Variants in LRBA observed in about 807,000 individuals in gnomAD.
The protein encoded by LRBA is LPS responsive beige-like anchor protein, also known as lipopolysaccharide-responsive and beige-like anchor protein.
LRBA carries 176 observed loss-of-function variants against 330.0 expected under a neutral mutation model. The observed-to-expected ratio is 0.53, with a 90% confidence interval of 0.47 to 0.60. The LOEUF (loss-of-function observed/expected upper bound fraction) is 0.60, where lower values mean the gene tolerates loss of function less well. LRBA is among the 20% of genes least tolerant of loss of function. The pLI is 0.00. For synonymous variants in LRBA, 1,230 were observed against 1,193.0 expected, an observed-to-expected ratio of 1.03 and a Z score of -0.64; for missense variants, 3,259 against 3,444.8, an observed-to-expected ratio of 0.95 and a Z score of 1.35.
chr4:150,805,264 GAAGGA>G (rs1296198398), intron 33 of LRBA, among the ~76,000 whole-genome samples: 6 of 114,340 alleles, frequency 5.2e-5, no homozygotes, highest in Admixed American at 1.2e-4. Context: ...AAGGAAACGA[GAAGGA>G]AAGGAAAGGA....
At chr4:150,792,727 G>C (rs937623681) in intron 34 of LRBA, among the ~76,000 whole-genome samples, 1 of 151,980 alleles carries the variant, frequency 6.6e-6, no homozygotes, top group Non-Finnish European at 1.5e-5. Flanking sequence ...GGCTGGTATC[G>C]AACTCCTGGC....
chr4:150,712,959 T>C (rs1208494541), intron 36 of LRBA, among the ~76,000 whole-genome samples: 1 of 152,142 alleles, frequency 6.6e-6, no homozygotes, highest in Non-Finnish European at 1.5e-5. Flanking sequence ...TGTTTTGAGA[T>C]AGGGCTTTGC....
At chr4:150,487,524 A>C (rs1419454220) in intron 42 of LRBA, among the ~76,000 whole-genome samples, 1 of 151,718 alleles carries the variant, frequency 6.6e-6, no homozygotes, top group South Asian at 2.1e-4. Context: ...AAACTTAATA[A>C]CTTAAAACAG....
At chr4:150,765,565 G>T (rs1194869002) in intron 34 of LRBA, among the ~76,000 whole-genome samples, 1 of 152,008 alleles carries the variant, frequency 6.6e-6, no homozygotes, top group Non-Finnish European at 1.5e-5. Flanking sequence ...ATGTAAAACT[G>T]CTCTAAAAAG....
chr4:150,618,909 A>G (rs1301017100), intron 37 of LRBA, among the ~76,000 whole-genome samples: 1 of 151,344 alleles, frequency 6.6e-6, no homozygotes, highest in Non-Finnish European at 1.5e-5. Context: ...CTAATTCAGC[A>G]GTTTTAATCA....
chr4:150,489,267 TATATA>T (rs1336593436), intron 41 of LRBA, among the ~76,000 whole-genome samples: 37 of 108,946 alleles, frequency 3.4e-4, no homozygotes, highest in African/African-American at 1.3e-3. Flanking sequence ...TATATAAGAA[TATATA>T]ATATATTATA....
intron 40 of LRBA, chr4:150,581,219 T>C (rs967470793): frequency 1.8e-5 from 6 of 331,920 alleles, no homozygotes; most frequent in Non-Finnish European, 2.4e-5. Context: ...ATCTTAATTA[T>C]GAAATAATTA....
At position 150,325,817 on chromosome 4, in the gene LRBA, T is replaced by A. The variant is rs1372228164; in HGVS notation, c.7444A>T (p.Met2482Leu). The A allele has an allele frequency of 6.2e-7, 1 of 1,612,020 alleles. No individual in the cohort carries two copies. Among genetic ancestry groups the A allele is most frequent in the South Asian group, 1.1e-5 (1 of 91,000 alleles). The change falls in exon 49 of 57, where the codon ATG becomes TTG. Residue 2482 changes from methionine (M) to leucine (L), a missense_variant. Met to Leu is a conservative substitution (Grantham distance 15, BLOSUM62 2). Coordinates refer to ENST00000651943, the MANE Select transcript of LRBA (RefSeq NM_001364905.1). ...GTAAAAATAGCACTTACCACTTGCATGGCAGAACCTCTGGGAGGATGGGGC... is the reference window on the plus strand; with the variant it reads ...GTAAAAATAGCACTTACCACTTGCAAGGCAGAACCTCTGGGAGGATGGGGC... ...IEPHPPRGSAMQVSPLMFTDK... is the reference protein window; with the variant it reads ...IEPHPPRGSALQVSPLMFTDK...
At chr4:150,297,521 T>G (rs1378262023) in intron 53 of LRBA, among the ~76,000 whole-genome samples, 1 of 152,214 alleles carries the variant, frequency 6.6e-6, no homozygotes, top group Non-Finnish European at 1.5e-5. Flanking sequence ...ACAGGGTAGC[T>G]GTAGTGTGAC....
chr4:150,712,902 CG>C (rs1333522405), intron 36 of LRBA, among the ~76,000 whole-genome samples: 2 of 152,150 alleles, frequency 1.3e-5, no homozygotes, highest in East Asian at 3.9e-4. Flanking sequence ...CATTATGTTT[CG>C]AAAAGCCACA....
intron 44 of LRBA, among the ~76,000 whole-genome samples, chr4:150,455,376 C>A (rs970725453): frequency 6.6e-6 from 1 of 151,750 alleles, no homozygotes; most frequent in African/African-American, 2.4e-5. Flanking sequence ...AGACTTGGAA[C>A]CAACCCAAAT....
rs774840760 is a variant in LRBA at position 150,905,879 on chromosome 4, C to T, written c.1714G>A (p.Val572Ile). The T allele has an allele frequency of 9.3e-6, 15 of 1,613,426 alleles. No homozygotes were observed. Among genetic ancestry groups the T allele is most frequent in the African/African-American group, 6.7e-5 (5 of 74,884 alleles). Residue 572 changes from valine (V) to isoleucine (I), a missense_variant, in exon 13 of 57, where the codon GTT becomes ATT. By Grantham distance (29) the Val-to-Ile change is conservative. Transcript: ENST00000651943. ...ATCCATATGGCAGGATTAAGAAGAA[C>T]GTGATCACACAATTGCTTGAGCAGG... Reference protein sequence around the residue: ...MPLLKQLCDHVLLNPAIWIHT... With the variant: ...MPLLKQLCDHILLNPAIWIHT...
intron 56 of LRBA, among the ~76,000 whole-genome samples, chr4:150,269,397 T>C (rs1002361673): frequency 6.6e-6 from 1 of 152,196 alleles, no homozygotes; most frequent in African/African-American, 2.4e-5. Flanking sequence ...CACCTTCTTT[T>C]CAACAAATTA....
At chr4:150,926,302 A>G (rs1579224343) in intron 4 of LRBA, among the ~76,000 whole-genome samples, 1 of 152,220 alleles carries the variant, frequency 6.6e-6, no homozygotes, top group Non-Finnish European at 1.5e-5. Context: ...CGGAGAGACC[A>G]CAGTCTTGCT....
intron 44 of LRBA, among the ~76,000 whole-genome samples, chr4:150,461,766 A>T (rs1453413010): frequency 2.0e-5 from 3 of 151,842 alleles, no homozygotes; most frequent in African/African-American, 4.8e-5. Context: ...CAATCCAAGA[A>T]CATGCTGGTT....
rs574673462 is a variant in LRBA at position 150,480,467 on chromosome 4, T to C, written c.6551+7265A>G. Among the ~76,000 whole-genome samples, 98 of 152,084 alleles carry C rather than the reference T, an allele frequency of 6.4e-4. 1 individual carries two copies. In the South Asian group the frequency reaches 0.011, roughly 17 times the overall value. ...TTATATTAAATAAAAAATTGTATGA[T>C]GTAATAGAGCAAAATCCAATCATTT... On this transcript the variant is annotated intron_variant, in intron 42 of 56. Coordinates refer to ENST00000651943, the MANE Select transcript of LRBA (RefSeq NM_001364905.1).
intron 28 of LRBA, among the ~76,000 whole-genome samples, chr4:150,837,645 T>C (rs1355078654): frequency 6.6e-6 from 1 of 152,226 alleles, no homozygotes; most frequent in Non-Finnish European, 1.5e-5. Context: ...ATTTGCTTGG[T>C]AGATCTTCCT....
chr4:150,307,555 T>A (rs953931736), intron 52 of LRBA, among the ~76,000 whole-genome samples: 1 of 150,202 alleles, frequency 6.7e-6, no homozygotes, highest in South Asian at 2.1e-4. Flanking sequence ...ACCCTGTCTC[T>A]ATAAAAATTT....
intron 34 of LRBA, among the ~76,000 whole-genome samples, chr4:150,782,763 T>A (rs1056425519): frequency 6.6e-6 from 1 of 152,168 alleles, no homozygotes; most frequent in Admixed American, 6.5e-5. Context: ...TGGCTATTTG[T>A]TGGGGAGCCA....
Sources: allele counts gnomAD v4.1 joint callset (sites outside exome capture counted in the v4.1 genomes callset), GRCh38; gene constraint gnomAD v4.1.1; transcripts MANE v1.5; gene names NCBI Gene and HGNC (gene_info 2026-07-23, HGNC 2026-07-21).